RORA: variants seen among roughly 807,000 people sequenced by gnomAD.
The protein encoded by RORA is nuclear receptor ROR-alpha.
Under a neutral mutation model 69.5 loss-of-function variants are expected in RORA, and 7 were observed. The ratio of observed to expected loss-of-function variants is 0.10; its 90% CI spans 0.06 to 0.19. RORA has a LOEUF of 0.19. Among genes scored for constraint, RORA ranks in the 10% least tolerant of loss-of-function variants. The probability of loss-of-function intolerance (pLI) is 1.00; values close to 1 mark genes in which losing one functional copy is unlikely to be tolerated. For synonymous variants in RORA, 261 were observed against 240.8 expected, an observed-to-expected ratio of 1.08 and a Z score of -0.78; for missense variants, 457 against 663.0, an observed-to-expected ratio of 0.69 and a Z score of 3.41.
In RORA at chr15:60,627,641, C is replaced by T. The variant is rs1447729080; in HGVS notation, c.196+51016G>A. On this transcript the variant is annotated intron_variant, in intron 2 of 10. Transcript: ENST00000335670. ...GCTCCTCTCTTTTCTTTTCTTTCTT[C>T]CCTTTTTTCAATACCAAATAGTTTG... 7 of 595,006 alleles carry T rather than the reference C, an allele frequency of 1.2e-5. No homozygotes were observed. The South Asian group carries it at 5.2e-4, about 44-fold the overall frequency. The allele number at this position is 595,006 out of a possible 1,614,324, so 36.9% of individuals were successfully genotyped here.
chr15:61,144,150 G>C (rs920372898), intron 1 of RORA, among the ~76,000 whole-genome samples: 2 of 152,206 alleles, frequency 1.3e-5, no homozygotes, highest in African/African-American at 4.8e-5. Flanking sequence ...AGGAGGTGGA[G>C]AGTCATGTGC....
At chr15:61,180,557 G>C (rs1213159458) in intron 1 of RORA, among the ~76,000 whole-genome samples, 1 of 152,168 alleles carries the variant, frequency 6.6e-6, no homozygotes, top group Non-Finnish European at 1.5e-5. Context: ...GCAAAATCCA[G>C]TTTGGACAAC....
At chr15:61,175,638 G>A (rs560885794) in intron 1 of RORA, among the ~76,000 whole-genome samples, 1 of 152,034 alleles carries the variant, frequency 6.6e-6, no homozygotes, top group South Asian at 2.1e-4. Context: ...GATTGCTTGA[G>A]CCCGGGAGGT....
chr15:60,506,847 C>T (rs758309086), intron 5 of RORA, among the ~76,000 whole-genome samples: 10 of 151,794 alleles, frequency 6.6e-5, no homozygotes, highest in African/African-American at 1.2e-4. Context: ...ATTAGCTGGG[C>T]GTGGTGGCGG....
At chr15:60,542,720 C>T (rs980625732) in intron 2 of RORA, among the ~76,000 whole-genome samples, 5 of 148,830 alleles carry the variant, frequency 3.4e-5, no homozygotes, top group Non-Finnish European at 7.4e-5. Flanking sequence ...CTCCCACACA[C>T]GGCACACAGG....
intron 2 of RORA, among the ~76,000 whole-genome samples, chr15:60,666,943 A>G (rs957437890): frequency 6.6e-6 from 1 of 152,244 alleles, no homozygotes; most frequent in South Asian, 2.1e-4. Flanking sequence ...CTAAGGAGGT[A>G]GAATCAGAAG....
chr15:60,597,191 G>A (rs1177074964), intron 2 of RORA, among the ~76,000 whole-genome samples: 1 of 152,104 alleles, frequency 6.6e-6, no homozygotes, highest in Non-Finnish European at 1.5e-5. Context: ...GGATGTTGGA[G>A]GTGAAAGATT....
intron 1 of RORA, among the ~76,000 whole-genome samples, chr15:60,878,589 C>T (rs1229793755): frequency 2.0e-5 from 3 of 152,168 alleles, no homozygotes; most frequent in Admixed American, 1.3e-4. Context: ...TGACCATCCT[C>T]GGAGGTCACT....
intron 1 of RORA, among the ~76,000 whole-genome samples, chr15:60,685,123 C>A (rs9920400): frequency 6.6e-6 from 1 of 152,204 alleles, no homozygotes; most frequent in Non-Finnish European, 1.5e-5. Flanking sequence ...CAACCCTTGA[C>A]TGGACATAGG....
intron 1 of RORA, chr15:61,041,180 A>C (rs953064201): frequency 6.6e-6 from 1 of 152,248 alleles, no homozygotes; most frequent in Non-Finnish European, 1.5e-5. Flanking sequence ...GCCTGTCATC[A>C]CTACACACAT....
chr15:60,627,422 T>C (rs2069619180), intron 2 of RORA: 1 of 1,611,764 alleles, frequency 6.2e-7, no homozygotes, highest in South Asian at 1.1e-5. Flanking sequence ...GGCTGTGCTT[T>C]GCCCCAGTGT....
chr15:61,078,065 G>T (rs1487883296), intron 1 of RORA, among the ~76,000 whole-genome samples: 1 of 152,208 alleles, frequency 6.6e-6, no homozygotes, highest in Non-Finnish European at 1.5e-5. Flanking sequence ...ACTTCTTAGT[G>T]AAGTAACCAC....
chr15:61,125,678 T>C (rs377566569), intron 1 of RORA, among the ~76,000 whole-genome samples: 1 of 152,244 alleles, frequency 6.6e-6, no homozygotes, highest in South Asian at 2.1e-4. Flanking sequence ...TTCTGATTCC[T>C]CTGTTTAGCA....
intron 3 of RORA, among the ~76,000 whole-genome samples, chr15:60,516,302 T>C (rs2065958024): frequency 7.8e-6 from 1 of 128,256 alleles, no homozygotes; most frequent in Non-Finnish European, 1.6e-5. Context: ...TCTCGCTGTG[T>C]TGTCCAGGCC....
intron 2 of RORA, among the ~76,000 whole-genome samples, chr15:60,652,613 C>T (rs550599788): frequency 7.2e-5 from 11 of 152,256 alleles, no homozygotes; most frequent in South Asian, 4.2e-4. Flanking sequence ...ATCCCCTATG[C>T]GGAAGAAAAG....
chr15:61,008,183 T>C lies in RORA; in HGVS notation c.166+220870A>G, dbSNP rs1409889568. Among the ~76,000 whole-genome samples the C allele has an allele frequency of 2.7e-5, 4 of 147,464 alleles. No individual in the cohort carries two copies. The Admixed American group carries it at 2.8e-4, about 10-fold the overall frequency. On this transcript the variant is annotated intron_variant, in intron 1 of 10. Transcript: ENST00000335670. Reference sequence around the variant, plus strand: ...GATAAACATGTGGAGGTATAAAGAATTTCAAAATTCTCTCTCTCTCTGTGT... The same window carrying C: ...GATAAACATGTGGAGGTATAAAGAACTTCAAAATTCTCTCTCTCTCTGTGT...
intron 1 of RORA, among the ~76,000 whole-genome samples, chr15:60,766,947 G>A (rs1034769971): frequency 6.6e-6 from 1 of 152,170 alleles, no homozygotes; most frequent in African/African-American, 2.4e-5. Context: ...GTAAGAGCCT[G>A]TAATGTAGTG....
intron 1 of RORA, among the ~76,000 whole-genome samples, chr15:61,216,968 G>A (rs1384862149): frequency 6.6e-6 from 1 of 152,184 alleles, no homozygotes; most frequent in Non-Finnish European, 1.5e-5. Context: ...CAAGACTAGA[G>A]TAGGCCTGAT....
At chr15:60,772,592 G>A (rs2072094718) in intron 1 of RORA, among the ~76,000 whole-genome samples, 1 of 152,162 alleles carries the variant, frequency 6.6e-6, no homozygotes, top group East Asian at 1.9e-4. Context: ...TCATGCACCA[G>A]GGCTTTCAAA....
Sources: gnomAD v4.1 joint callset for allele counts (sites outside exome capture counted in the v4.1 genomes callset) on GRCh38, gnomAD v4.1.1 for gene constraint, MANE v1.5 for transcripts, NCBI Gene and HGNC (gene_info 2026-07-23, HGNC 2026-07-21) for gene names.